GLIS3: variants seen among roughly 807,000 people sequenced by gnomAD.
GLIS3 encodes GLIS family zinc finger 3.
In GLIS3, 53 loss-of-function variants were observed where a neutral mutation model predicts 78.6. The ratio of observed to expected loss-of-function variants is 0.67; its 90% confidence interval spans 0.54 to 0.85. The LOEUF (loss-of-function observed/expected upper bound fraction) is 0.85. Ranked by LOEUF, GLIS3 falls within the 40% of genes least tolerant of loss-of-function variation. The pLI is 0.00. For missense variants in GLIS3, 1,703 were observed against 1,231.1 expected (o/e 1.38, Z -5.74); for synonymous variants, 684 against 509.9 (o/e 1.34, Z -4.60).
chr9:4,286,501 TATCC>T lies in GLIS3; in HGVS notation c.-80_-77del. 6.4e-7 allele frequency: 1 copy of T among 1,557,578 alleles called. No individual in the cohort carries two copies. The highest frequency in any genetic ancestry group is 8.8e-7 in the Non-Finnish European group (1 of 1,137,638). On this transcript the variant is annotated 5_prime_UTR_variant, in exon 2 of 11. The change abolishes an upstream ATG in the 5' untranslated region. Transcript: ENST00000381971. ...TCCTTTCAGGCAAAGTCCAATAAGT[TATCC>T]ATGGTGTGGGTTATAAGCCTGTTTA...
At chr9:3,836,284 T>C (rs2130014077) in intron 9 of GLIS3, among the ~76,000 whole-genome samples, 1 of 152,352 alleles carries the variant, frequency 6.6e-6, no homozygotes, top group African/African-American at 2.4e-5. Context: ...GGCTGTTTGC[T>C]AGCCAAGTGG....
chr9:4,052,118 G>T (rs901796472), intron 4 of GLIS3, among the ~76,000 whole-genome samples: 7 of 152,154 alleles, frequency 4.6e-5, no homozygotes, highest in African/African-American at 1.7e-4. Flanking sequence ...CTGTGTTTAG[G>T]TTCAGTTATA....
At chr9:4,389,906 G>A in the GLIS3 span, among the ~76,000 whole-genome samples, 3 of 152,336 alleles carry the variant, frequency 2.0e-5, no homozygotes, top group African/African-American at 2.4e-5. Context: ...TGGCAGATAC[G>A]TAAGAAGCAA....
chr9:4,114,237 G>A (rs377108706), intron 4 of GLIS3, among the ~76,000 whole-genome samples: 2 of 152,088 alleles, frequency 1.3e-5, no homozygotes, highest in Non-Finnish European at 2.9e-5. Context: ...ACTGGGCACC[G>A]TTACCCAACC....
intron 1 of GLIS3, among the ~76,000 whole-genome samples, chr9:4,292,448 G>A (rs574300147): frequency 1.6e-4 from 24 of 152,238 alleles, no homozygotes; most frequent in African/African-American, 4.8e-4. Flanking sequence ...AAAGCACTTG[G>A]ACTATTTGTC....
intron 8 of GLIS3, among the ~76,000 whole-genome samples, chr9:3,856,780 C>G (rs1588096113): frequency 6.6e-6 from 1 of 152,164 alleles, no homozygotes; most frequent in South Asian, 2.1e-4. Context: ...TCTGCGTGGG[C>G]TCCGTGCTTG....
chr9:4,070,955 C>T (rs993090179), intron 4 of GLIS3: 7 of 152,058 alleles, frequency 4.6e-5, no homozygotes, highest in Admixed American at 3.9e-4. Flanking sequence ...GCACATGTAC[C>T]CTCACAGGAA....
chr9:4,120,101 C>T (rs1165191507), intron 3 of GLIS3, among the ~76,000 whole-genome samples: 1 of 152,144 alleles, frequency 6.6e-6, no homozygotes, highest in East Asian at 1.9e-4. Context: ...TAAAACGTGT[C>T]TTCTCAAAAT....
rs1308273711 is a variant in GLIS3 at position 3,827,474 on chromosome 9, C to A, written c.*798G>T. On this transcript the variant is annotated 3_prime_UTR_variant, in exon 11 of 11. Coordinates refer to ENST00000381971, the MANE Select transcript of GLIS3 (RefSeq NM_001042413.2). ...GTGCGGGAGGTGCCCACTCCATTTC[C>A]CTCAGGTAACCTTTGCTAACTGCAA... The A allele has an allele frequency of 6.6e-6, 1 of 152,380 alleles. No individual in the cohort carries two copies. The highest frequency in any genetic ancestry group is 2.4e-5 in the African/African-American group (1 of 41,440). The allele number at this position is 152,380 out of a possible 1,614,324, so 9.4% of individuals were successfully genotyped here.
At chr9:4,054,739 A>AT (rs367728463) in intron 4 of GLIS3, among the ~76,000 whole-genome samples, 1,524 of 151,554 alleles carry the variant, frequency 0.01, 25 homozygotes, top group African/African-American at 0.034. Context: ...TCCAGAGTGG[A>AT]TTTTTTTTTG....
chr9:3,970,087 T>A (rs1197666409), intron 4 of GLIS3, among the ~76,000 whole-genome samples: 1 of 152,210 alleles, frequency 6.6e-6, no homozygotes, highest in Admixed American at 6.5e-5. Flanking sequence ...CGTCTCTGCC[T>A]AAATGCAAAA....
intron 9 of GLIS3, among the ~76,000 whole-genome samples, chr9:3,849,117 A>C (rs7863744): frequency 0.71 from 107,917 of 152,100 alleles, 40,229 homozygotes; most frequent in Non-Finnish European, 0.82. Flanking sequence ...CTGTGTTGGC[A>C]ACTGGAAACT....
In GLIS3 at chr9:3,998,781, A is replaced by C. The variant is rs555887881; in HGVS notation, c.1711-61592T>G. Among the ~76,000 whole-genome samples, 15 of 147,864 alleles carry C rather than the reference A, an allele frequency of 1.0e-4. No homozygotes were observed. In the East Asian group the frequency reaches 2.5e-3, roughly 25 times the overall value. On this transcript the variant is annotated intron_variant, in intron 4 of 10. Transcript: ENST00000381971. ...TTATTAAAAATAATATTAAATATTA[A>C]TAATATTTTAATAAAATAATATTTT... is the stretch of plus-strand genomic sequence containing the variant.
At chr9:4,448,333 C>T in the GLIS3 span, among the ~76,000 whole-genome samples, 1 of 152,148 alleles carries the variant, frequency 6.6e-6, no homozygotes, top group Non-Finnish European at 1.5e-5. Flanking sequence ...GTAGAGTTAC[C>T]CAGCCTAGCC....
the GLIS3 span, among the ~76,000 whole-genome samples, chr9:4,355,055 C>T: frequency 2.7e-5 from 4 of 150,118 alleles, no homozygotes; most frequent in East Asian, 2.0e-4. Flanking sequence ...GGCTTGAACC[C>T]GGGAGGCGGA....
chr9:4,440,007 C>G, the GLIS3 span, among the ~76,000 whole-genome samples: 2 of 152,154 alleles, frequency 1.3e-5, no homozygotes, highest in African/African-American at 2.4e-5. Context: ...TGAGAAGTGT[C>G]TATTCAAGTC....
intron 2 of GLIS3, among the ~76,000 whole-genome samples, chr9:4,149,947 C>G (rs1178955081): frequency 2.0e-5 from 3 of 152,212 alleles, no homozygotes; most frequent in East Asian, 1.9e-4. Flanking sequence ...GATTTACTAA[C>G]TTTTTATTCA....
At chr9:4,188,487 G>T (rs1285451879) in intron 2 of GLIS3, among the ~76,000 whole-genome samples, 4 of 150,588 alleles carry the variant, frequency 2.7e-5, no homozygotes, top group African/African-American at 7.3e-5. Context: ...CCCGGCTTTG[G>T]TATCAGGATG....
chr9:3,904,900 CA>C (rs1172284586), intron 6 of GLIS3, among the ~76,000 whole-genome samples: 4 of 152,030 alleles, frequency 2.6e-5, no homozygotes, highest in Non-Finnish European at 5.9e-5. Flanking sequence ...TAAAACAGCC[CA>C]CCCCCAACTT....
Sources: allele counts gnomAD v4.1 joint callset (sites outside exome capture counted in the v4.1 genomes callset), GRCh38; gene constraint gnomAD v4.1.1; transcripts MANE v1.5; gene names NCBI Gene and HGNC (gene_info 2026-07-23, HGNC 2026-07-21).